Variants in ENOSF1 observed in about 807,000 individuals in gnomAD.
ENOSF1 encodes the protein mitochondrial enolase superfamily member 1.
A neutral mutation model predicts 68.2 loss-of-function variants in ENOSF1; 73 were observed. The observed-to-expected ratio is 1.07, with a 90% CI of 0.89 to 1.30. ENOSF1 has a LOEUF of 1.30. Ranked by LOEUF, ENOSF1 falls within the 50% of genes most tolerant of loss-of-function variation. ENOSF1 has a pLI of 0.00. For synonymous variants in ENOSF1, 223 were observed against 210.4 expected (o/e 1.06, Z -0.52); for missense variants, 589 against 554.5 (o/e 1.06, Z -0.62).
chr18:711,889 C>G (rs986039673), intron 1 of ENOSF1, among the ~76,000 whole-genome samples: 5 of 152,098 alleles, frequency 3.3e-5, no homozygotes, highest in African/African-American at 1.2e-4. Context: ...CAGACGGGTC[C>G]AAGAGACCCA....
rs183301869 is a variant in ENOSF1 at position 711,919 on chromosome 18, C to T, written c.84+585G>A. Among the ~76,000 whole-genome samples, 96 of 152,242 alleles carry T rather than the reference C, an allele frequency of 6.3e-4. No homozygotes were observed. The East Asian group carries it at 0.018, about 29-fold the overall frequency. ...GACCCAGAGAGGTCTGGAACTTCTC[C>T]AAGTCACACAGCAAGTTGTGGAAGC... On this transcript the variant is annotated intron_variant, in intron 1 of 15. Transcript: ENST00000647584.
chr18:684,057 T>A (rs1049105402), intron 10 of ENOSF1, among the ~76,000 whole-genome samples: 2 of 151,366 alleles, frequency 1.3e-5, no homozygotes, highest in South Asian at 2.1e-4. Context: ...GCAGTGGCGC[T>A]ATCTCGGCTC....
intron 10 of ENOSF1, among the ~76,000 whole-genome samples, chr18:685,137 T>G (rs912596008): frequency 1.3e-5 from 2 of 152,138 alleles, no homozygotes; most frequent in Non-Finnish European, 2.9e-5. Context: ...GTGTTAGGAT[T>G]ATAGGCATGA....
At chr18:680,719 C>T (rs761158225) in intron 11 of ENOSF1, among the ~76,000 whole-genome samples, 8 of 139,880 alleles carry the variant, frequency 5.7e-5, no homozygotes, top group South Asian at 2.3e-4. Context: ...ATTGCTCTGT[C>T]GCCCAGGCTG....
intron 5 of ENOSF1, chr18:691,517 T>C (rs2077172672): frequency 4.6e-6 from 2 of 434,446 alleles, no homozygotes; most frequent in Non-Finnish European, 8.3e-6. Flanking sequence ...GGCTAATTTA[T>C]TTTTATTTTT....
In ENOSF1 at chr18:675,385, T is replaced by C. The variant is rs1275477457; in HGVS notation, c.1166A>G (p.Asp389Gly). 1 of 1,612,906 alleles carries C rather than the reference T, an allele frequency of 6.2e-7. No individual in the cohort carries two copies. Among genetic ancestry groups the C allele is most frequent in the African/African-American group, 1.3e-5 (1 of 75,050 alleles). ...ATACTTGAAATGCTCATGCAGGTGG[T>C]CAACATACTCACACACCCTAGGAGG... ...SLENRVCEYV[D>G]HLHEHFKYPV... is the part of the protein sequence containing the mutation. Residue 389 changes from aspartate (D) to glycine (G), a missense_variant, in exon 15 of 16, where the codon GAC becomes GGC. Coordinates refer to ENST00000647584, the MANE Select transcript of ENOSF1 (RefSeq NM_017512.7).
chr18:682,090 G>A (rs1215042872), intron 11 of ENOSF1, among the ~76,000 whole-genome samples: 1 of 152,138 alleles, frequency 6.6e-6, no homozygotes, highest in East Asian at 1.9e-4. Context: ...AGTCACCTCA[G>A]GAAAAAATGT....
chr18:700,010 G>A (rs1433059172), intron 2 of ENOSF1, among the ~76,000 whole-genome samples: 1 of 152,214 alleles, frequency 6.6e-6, no homozygotes, highest in East Asian at 1.9e-4. Flanking sequence ...AACCCAGGAG[G>A]TGGAGGTTGC....
At position 706,569 on chromosome 18, in the gene ENOSF1, G is replaced by A. The variant is rs779387905; in HGVS notation, c.94C>T (p.Pro32Ser). The A allele has an allele frequency of 1.2e-6, 2 of 1,613,110 alleles. No homozygotes were observed. Among genetic ancestry groups the A allele is most frequent in the Non-Finnish European group, 8.5e-7 (1 of 1,179,290 alleles). Reference protein sequence around the residue: ...GHGADAMHTDPDYSAAYVVIE... With the variant: ...GHGADAMHTDSDYSAAYVVIE... ...ACGACATAGGCAGCCGAGTAGTCAG[G>A]GTCCGTGTGCTGCAGGAGAAGAGTT... is the stretch of plus-strand genomic sequence containing the variant. The change falls in exon 2 of 16, where the codon CCT becomes TCT. Residue 32 changes from proline to serine, a missense_variant. By Grantham distance (74) the Pro-to-Ser change is moderately conservative (BLOSUM62 -1). Coordinates refer to ENST00000647584, the MANE Select transcript of ENOSF1 (RefSeq NM_017512.7).
chr18:667,358 T>A (rs1223382771), downstream of ENOSF1, among the ~76,000 whole-genome samples: 1 of 25,414 alleles, frequency 3.9e-5, no homozygotes, highest in Non-Finnish European at 6.8e-5. Flanking sequence ...ATGGTGATGG[T>A]GATGGAGATG....
At chr18:691,153 T>C in intron 6 of ENOSF1, 47 bp from the exon 7 acceptor site, 1 of 1,613,526 alleles carries the variant, frequency 6.2e-7, no homozygotes, top group South Asian at 1.1e-5. Flanking sequence ...AAACAAAGCA[T>C]GCCACTACTG....
intron 5 of ENOSF1, 77 bp downstream of exon 5, chr18:693,805 T>C (rs1295517513): frequency 5.0e-6 from 8 of 1,602,102 alleles, no homozygotes; most frequent in Non-Finnish European, 6.8e-6. Context: ...ATATATTTAC[T>C]GATCATCAAA....
intron 13 of ENOSF1, 33 bp downstream of exon 13, chr18:677,710 A>G: frequency 6.3e-7 from 1 of 1,594,706 alleles, no homozygotes; most frequent in South Asian, 1.1e-5. Flanking sequence ...GGGGAAATGA[A>G]GGTCTGGTCT....
intron 2 of ENOSF1, among the ~76,000 whole-genome samples, 194 bp downstream of exon 2, chr18:706,276 G>A (rs749868865): frequency 1.3e-5 from 2 of 151,558 alleles, no homozygotes; most frequent in Admixed American, 6.6e-5. Context: ...GCCAAATTCT[G>A]TCACTTTTAA....
downstream of ENOSF1, among the ~76,000 whole-genome samples, chr18:666,925 GGTGAT>G (rs1261167523): frequency 4.6e-5 from 3 of 64,530 alleles, no homozygotes; most frequent in Non-Finnish European, 1.0e-4. Flanking sequence ...TGATGGAGAT[GGTGAT>G]GGTGATGGAG....
At chr18:697,207 T>C (rs2077825098) in intron 3 of ENOSF1, 33 bp downstream of exon 3, 1 of 1,438,832 alleles carries the variant, frequency 7.0e-7, no homozygotes, top group Non-Finnish European at 9.8e-7. Context: ...GTAATATTAC[T>C]TATGTAAGCA....
At chr18:667,559 T>A (rs74923550), downstream of ENOSF1, among the ~76,000 whole-genome samples, 70 of 66,148 alleles carry the variant, frequency 1.1e-3, 3 homozygotes, top group East Asian at 2.0e-3. Context: ...ATGGAGATGG[T>A]GATGGTGATG....
At chr18:707,005 G>C (rs2079017457) in intron 1 of ENOSF1, among the ~76,000 whole-genome samples, 1 of 151,792 alleles carries the variant, frequency 6.6e-6, no homozygotes. Flanking sequence ...TTTTAATAGA[G>C]ACGAAGTTTC....
At chr18:709,509 T>C (rs989766339) in intron 1 of ENOSF1, among the ~76,000 whole-genome samples, 3 of 152,140 alleles carry the variant, frequency 2.0e-5, no homozygotes, top group Non-Finnish European at 2.9e-5. Flanking sequence ...TAGTGGCTCA[T>C]GCCTGTAATC....
Sources: gnomAD v4.1 joint callset for allele counts (sites outside exome capture counted in the v4.1 genomes callset) on GRCh38, gnomAD v4.1.1 for gene constraint, MANE v1.5 for transcripts, NCBI Gene and HGNC (gene_info 2026-07-23, HGNC 2026-07-21) for gene names.